Variants in FNTA observed in about 807,000 individuals in gnomAD.
FNTA encodes farnesyltransferase, CAAX box, subunit alpha.
FNTA carries 27 observed loss-of-function variants against 55.2 expected under a neutral mutation model. The ratio of observed to expected loss-of-function variants is 0.49; its 90% CI spans 0.36 to 0.67. The LOEUF (loss-of-function observed/expected upper bound fraction) is 0.67. Among genes scored for constraint, FNTA ranks in the 30% least tolerant of loss-of-function variants. The probability of loss-of-function intolerance (pLI) is 0.00; values close to 1 mark genes in which losing one functional copy is unlikely to be tolerated. For missense variants in FNTA, 422 were observed against 464.7 expected, an observed-to-expected ratio of 0.91 and a Z score of 0.85; for synonymous variants, 176 against 170.7, an observed-to-expected ratio of 1.03 and a Z score of -0.24.
In FNTA at chr8:43,077,376, C is replaced by T; in HGVS notation, c.782+12C>T. ...GAGAGAGAAGTCCAGTTAGTAATCT[C>T]CTTCACTTGCTCATTCGTTACAAAC... On this transcript the variant is annotated intron_variant, in intron 6 of 8. Coordinates refer to ENST00000302279, the MANE Select transcript of FNTA (RefSeq NM_002027.3). The T allele has an allele frequency of 6.3e-7, 1 of 1,596,966 alleles. No individual in the cohort carries two copies. The highest frequency in any genetic ancestry group is 8.6e-7 in the Non-Finnish European group (1 of 1,169,566).
intron 3 of FNTA, among the ~76,000 whole-genome samples, chr8:43,067,368 TC>T (rs1477355573): frequency 6.6e-6 from 1 of 152,236 alleles, no homozygotes; most frequent in Non-Finnish European, 1.5e-5. Flanking sequence ...GTTGACCTCT[TC>T]CAGTTGCCGT....
chr8:43,060,574 C>CT (rs1810507747), intron 2 of FNTA, among the ~76,000 whole-genome samples: 1 of 151,582 alleles, frequency 6.6e-6, no homozygotes, highest in Non-Finnish European at 1.5e-5. Context: ...ACTCAGGAGG[C>CT]TGAGGCAGGA....
At position 43,072,235 on chromosome 8, in the gene FNTA, A is replaced by G; in HGVS notation, c.561A>G (p.Glu187=). ...EWLRDPSQEL[E]FIADILNQDA... ...TAAGAGATCCATCTCAGGAGCTTGA[A>G]TTTATTGCTGATATTCTTAATCAGG... Residue 187 remains glutamate, a synonymous_variant, in exon 5 of 9, where the codon GAA becomes GAG. Coordinates refer to ENST00000302279, the MANE Select transcript of FNTA (RefSeq NM_002027.3). 1.9e-6 allele frequency: 3 copies of G among 1,593,278 alleles called. No individual in the cohort carries two copies. Among genetic ancestry groups the G allele is most frequent in the Non-Finnish European group, 2.6e-6 (3 of 1,169,428 alleles).
chr8:43,066,587 C>CATGTGT (rs1554519723), intron 3 of FNTA, among the ~76,000 whole-genome samples: 8 of 148,580 alleles, frequency 5.4e-5, no homozygotes, highest in South Asian at 4.3e-4. Flanking sequence ...TAGCATCGTT[C>CATGTGT]GTGTGTGTGT....
chr8:43,075,073 A>G (rs1810879016), intron 5 of FNTA, among the ~76,000 whole-genome samples: 1 of 152,208 alleles, frequency 6.6e-6, no homozygotes, highest in African/African-American at 2.4e-5. Context: ...TATAACTTCC[A>G]TGAGTCTGAA....
Position 43,083,139 on chromosome 8 carries a change from A to G in FNTA, c.804A>G (p.Lys268=). 1 of 1,586,842 alleles carries G rather than the reference A, an allele frequency of 6.3e-7. No homozygotes were observed. The highest frequency in any genetic ancestry group is 8.6e-7 in the Non-Finnish European group (1 of 1,167,406). ...REVQYTLEMI[K]LVPHNESAWN... is the part of the protein sequence containing the mutation. Reference sequence around the variant, plus strand: ...GCAGATACACTCTGGAAATGATTAAACTAGTACCACATAATGAAAGTGCAT... The same window carrying G: ...GCAGATACACTCTGGAAATGATTAAGCTAGTACCACATAATGAAAGTGCAT... Residue 268 remains lysine, a synonymous_variant, in exon 7 of 9, where the codon AAA becomes AAG. Transcript: ENST00000302279.
At chr8:43,080,366 A>G (rs1810998614) in intron 6 of FNTA, 1 of 152,320 alleles carries the variant, frequency 6.6e-6, no homozygotes, top group Non-Finnish European at 1.5e-5. Context: ...ACCCTCCACC[A>G]GCAGAAAGAT....
At chr8:43,084,647 C>A in intron 7 of FNTA, 63 bp from the exon 8 acceptor site, 1 of 1,313,936 alleles carries the variant, frequency 7.6e-7, no homozygotes, top group Non-Finnish European at 1.1e-6. Context: ...TTCTCTTGAT[C>A]TTTCTACTGC....
At chr8:43,059,064 C>T (rs1209615250) in intron 1 of FNTA, 28 bp from the exon 2 acceptor site, 3 of 1,528,268 alleles carry the variant, frequency 2.0e-6, no homozygotes, top group South Asian at 1.1e-5. Flanking sequence ...TTGAATGTAA[C>T]CACTGGTTGG....
chr8:43,077,097 A>G (rs1426000581), intron 5 of FNTA, 119 bp from the exon 6 acceptor site: 3 of 593,028 alleles, frequency 5.1e-6, no homozygotes, highest in Non-Finnish European at 8.1e-6. Context: ...CTACCTTCTG[A>G]ATTTGTGATA....
chr8:43,083,870 C>T (rs534370737), intron 7 of FNTA, among the ~76,000 whole-genome samples: 2 of 152,190 alleles, frequency 1.3e-5, no homozygotes, highest in East Asian at 1.9e-4. Context: ...GCTAGGAGGT[C>T]GAGACCAGCC....
At chr8:43,056,585 T>C (rs756579361) in intron 1 of FNTA, 39 bp downstream of exon 1, 17 of 1,259,662 alleles carry the variant, frequency 1.3e-5, no homozygotes, top group Non-Finnish European at 1.6e-5. Flanking sequence ...GGACACTCCC[T>C]GGAGGCCCAG....
intron 3 of FNTA, 126 bp downstream of exon 3, chr8:43,064,341 C>T: frequency 1.7e-6 from 1 of 602,588 alleles, no homozygotes; most frequent in South Asian, 2.0e-5. Flanking sequence ...GGTGCAGTTT[C>T]ACTCTTGTTG....
Position 43,085,243 on chromosome 8 carries a change from C to A in FNTA, c.1101C>A (p.His367Gln). 1 of 1,609,024 alleles carries A rather than the reference C, an allele frequency of 6.2e-7. No homozygotes were observed. Among genetic ancestry groups the A allele is most frequent in the Non-Finnish European group, 8.5e-7 (1 of 1,178,642 alleles). ...RYIGRSLQSK[H>Q]STENDSPTNV... ...TTGGAAGATCCCTTCAAAGCAAACA[C>A]AGCACAGAAAATGACTCACCAACAA... Residue 367 changes from histidine (H) to glutamine (Q), a missense_variant, in exon 9 of 9, where the codon CAC (histidine) becomes CAA (glutamine). His to Gln is a conservative substitution (Grantham distance 24). This residue lies in a region of FNTA where 262 missense variants were observed against 343.1 expected (regional missense o/e 0.76). Transcript: ENST00000302279.
chr8:43,056,687 C>A (rs775351478), intron 1 of FNTA, 141 bp downstream of exon 1: 13 of 421,906 alleles, frequency 3.1e-5, no homozygotes, highest in Non-Finnish European at 4.0e-5. Context: ...GGCGCTGGGC[C>A]CGGGCGGCTG....
intron 5 of FNTA, 104 bp from the exon 6 acceptor site, chr8:43,077,112 C>G (rs1012142100): frequency 2.5e-5 from 17 of 691,012 alleles, no homozygotes; most frequent in Non-Finnish European, 3.8e-5. Context: ...GTGATAAATC[C>G]TGTGTCCTCA....
chr8:43,065,239 C>CT (rs879371507), intron 3 of FNTA, among the ~76,000 whole-genome samples: 113 of 145,880 alleles, frequency 7.7e-4, no homozygotes, highest in Admixed American at 2.1e-3. Flanking sequence ...TGCTGACACA[C>CT]TTTTTTTTTT....
At position 43,085,538 on chromosome 8, in the gene FNTA, T is replaced by C. The variant is rs1028751532; in HGVS notation, c.*256T>C. 2 of 462,326 alleles carry C rather than the reference T, an allele frequency of 4.3e-6. No individual in the cohort carries two copies. The highest frequency in any genetic ancestry group is 4.3e-5 in the East Asian group (1 of 23,190). The allele number at this position is 462,326 out of a possible 1,614,324, so 28.6% of individuals were successfully genotyped here. On this transcript the variant is annotated 3_prime_UTR_variant, in exon 9 of 9. Coordinates refer to ENST00000302279, the MANE Select transcript of FNTA (RefSeq NM_002027.3). Reference sequence around the variant, plus strand: ...CCATAAAGGAACTTTTGTAGTCTTATCAACATATAATCTAATCCCTTAGCA... The same window carrying C: ...CCATAAAGGAACTTTTGTAGTCTTACCAACATATAATCTAATCCCTTAGCA...
chr8:43,063,300 T>G lies in FNTA; in HGVS notation c.287-801T>G, dbSNP rs1231156951. ...TTCCCTAAGTTGCCCAGGCTAATTT[T>G]AAACTGCTGGGTTCAAGTGATCTGC... is the stretch of plus-strand genomic sequence containing the variant. On this transcript the variant is annotated intron_variant, in intron 2 of 8. Coordinates refer to ENST00000302279, the MANE Select transcript of FNTA (RefSeq NM_002027.3). 1.3e-5 allele frequency: 6 copies of G among 456,114 alleles called. No individual in the cohort carries two copies. In the Admixed American group the frequency reaches 1.4e-4, roughly 11 times the overall value. 28.3% of individuals were successfully genotyped at this position (456,114 alleles called of 1,614,324 possible). A position where few individuals can be genotyped will look rare whatever the true frequency, so the allele number is the denominator to read the frequency against.
Sources: gnomAD v4.1 joint callset for allele counts (sites outside exome capture counted in the v4.1 genomes callset) on GRCh38, gnomAD v4.1.1 for gene constraint, gnomAD v4.1.1 regional missense constraint, MANE v1.5 for transcripts, NCBI Gene and HGNC (gene_info 2026-07-23, HGNC 2026-07-21) for gene names.